The following NOC4L variants were observed in gnomAD, a reference collection of about 807,000 sequenced individuals.
NOC4L encodes nucleolar complex protein 4 homolog.
Under a neutral mutation model 62.8 loss-of-function variants are expected in NOC4L, and 40 were observed. That is an observed-to-expected ratio of 0.64 (90% confidence interval 0.49 to 0.83). NOC4L has a LOEUF of 0.83. NOC4L is among the 40% of genes least tolerant of loss of function. The pLI is 0.00. For synonymous variants in NOC4L, 433 were observed against 299.8 expected (o/e 1.44, Z -4.59); for missense variants, 927 against 701.9 (o/e 1.32, Z -3.62).
rs1872973041 is a variant in NOC4L, at chr12:132,151,772, G to T, written c.1269G>T (p.Glu423Asp). The change falls in exon 13 of 15, where the codon GAG (glutamate) becomes GAT (aspartate). Residue 423 changes from glutamate (E) to aspartate (D), a missense_variant. Coordinates refer to ENST00000330579, the MANE Select transcript of NOC4L (RefSeq NM_024078.3). ...CCGACCCCTACGACCCTGGAGAGGAGGACCCAGCCCAGAGCCGGGCCTTGG... is the reference window on the plus strand; with the variant it reads ...CCGACCCCTACGACCCTGGAGAGGATGACCCAGCCCAGAGCCGGGCCTTGG... ...LDADPYDPGEEDPAQSRALES... is the reference protein window; with the variant it reads ...LDADPYDPGEDDPAQSRALES... 2.5e-6 allele frequency: 4 copies of T among 1,612,396 alleles called. No homozygotes were observed. Among genetic ancestry groups the T allele is most frequent in the Non-Finnish European group, 3.4e-6 (4 of 1,179,832 alleles).
chr12:132,146,497 A>G (rs1897733237), intron 3 of NOC4L: 2 of 390,336 alleles, frequency 5.1e-6, no homozygotes, highest in Non-Finnish European at 1.0e-5. Context: ...TTACAAGGCC[A>G]CACAGCAGCT....
Position 132,144,570 on chromosome 12 carries a change from G to C in NOC4L, c.82G>C (p.Ala28Pro). 3 of 1,524,442 alleles carry C rather than the reference G, an allele frequency of 2.0e-6. No individual in the cohort carries two copies. The highest frequency in any genetic ancestry group is 1.7e-6 in the Non-Finnish European group (2 of 1,142,994). 94.4% of individuals were successfully genotyped at this position (1,524,442 alleles called of 1,614,324 possible). Residue 28 changes from alanine to proline, a missense_variant, in exon 1 of 15, where the codon GCC becomes CCC. Ala to Pro is a conservative substitution (Grantham distance 27). Transcript: ENST00000330579. ...LEAVLASRSE[A>P]NAVFDILAVL... ...GGCGGTGCTGGCGAGCCGCAGTGAGGCCAACGCCGTGTTCGACATCCTGGC... is the reference window on the plus strand; with the variant it reads ...GGCGGTGCTGGCGAGCCGCAGTGAGCCCAACGCCGTGTTCGACATCCTGGC...
intron 9 of NOC4L, 83 bp from the exon 10 acceptor site, chr12:132,150,898 C>G (rs1897909392): frequency 1.2e-5 from 12 of 1,036,182 alleles, no homozygotes; most frequent in Non-Finnish European, 1.6e-5. Context: ...AGGCCACACT[C>G]CACAGACTTA....
At chr12:132,148,735 C>CCCCCCGGGGGGGGGGGGGGG in intron 8 of NOC4L, 49 bp from the exon 9 acceptor site, 1 of 1,309,292 alleles carries the variant, frequency 7.6e-7, no homozygotes, top group Non-Finnish European at 1.0e-6. Flanking sequence ...CCCGACCCGC[C>CCCCCCGGGGGGGGGGGGGGG]GGCCCCCGCC....
chr12:132,147,641 G>A lies in NOC4L; in HGVS notation c.462G>A (p.Val154=), dbSNP rs1166548126. The change falls in exon 5 of 15, where the codon GTG becomes GTA. Residue 154 remains valine, a synonymous_variant. Transcript: ENST00000330579. ...CTGGTCCTTGCCCCTAGTTGGTGGT[G>A]GGAGGCCTGCTGTCTCCTGAGGAGG... ...LFPRELFKLV[V]GGLLSPEEDQ... 2 of 1,612,646 alleles carry A rather than the reference G, an allele frequency of 1.2e-6. No individual in the cohort carries two copies. The highest frequency in any genetic ancestry group is 1.7e-6 in the Non-Finnish European group (2 of 1,179,874).
chr12:132,151,567 T>C lies in NOC4L; in HGVS notation c.1157T>C (p.Met386Thr). 1.2e-6 allele frequency: 2 copies of C among 1,610,820 alleles called. No individual in the cohort carries two copies. Among genetic ancestry groups the C allele is most frequent in the Non-Finnish European group, 1.7e-6 (2 of 1,179,356 alleles). The change falls in exon 12 of 15, where the codon ATG (methionine) becomes ACG (threonine). Residue 386 changes from methionine (M) to threonine (T), a missense_variant. Physicochemically the swap from Met to Thr is moderately conservative, Grantham distance 81 (BLOSUM62 -1). Coordinates refer to ENST00000330579, the MANE Select transcript of NOC4L (RefSeq NM_024078.3). ...ACGGCTCCCCCTGAGGCCCTGCTCA[T>C]GGTCCTGCCTTTCATCTGTAACCTG... Reference protein sequence around the residue: ...ALTAPPEALLMVLPFICNLLR... With the variant: ...ALTAPPEALLTVLPFICNLLR...
chr12:132,147,499 CACTCCTGTG>C, intron 4 of NOC4L, 111 bp downstream of exon 4: 1 of 1,450,360 alleles, frequency 6.9e-7, no homozygotes, highest in South Asian at 1.3e-5. Flanking sequence ...TTGGCTGGGA[CACTCCTGTG>C]GCTCCTGTGG....
At chr12:132,148,958 C>CACCACACCCCTAA in intron 9 of NOC4L, 63 bp downstream of exon 9, 1 of 317,122 alleles carries the variant, frequency 3.2e-6, no homozygotes, top group Non-Finnish European at 5.8e-6. Flanking sequence ...CGCCGCCTCA[C>CACCACACCCCTAA]TCCTACCACA....
intron 9 of NOC4L, among the ~76,000 whole-genome samples, chr12:132,149,168 C>G (rs865804396): frequency 4.3e-4 from 21 of 48,994 alleles, no homozygotes; most frequent in Non-Finnish European, 4.3e-4. Flanking sequence ...CGGTGAGTGC[C>G]GCCGCCTCGC....
chr12:132,148,227 C>A lies in NOC4L; in HGVS notation c.738+121C>A. On this transcript the variant is annotated intron_variant, in intron 7 of 14. Transcript: ENST00000330579. Reference sequence around the variant, plus strand: ...GAGGAAACTCCCAGGGTACAGGTGGCAGCTTGCACGGCCACCAGGTCACTC... The same window carrying A: ...GAGGAAACTCCCAGGGTACAGGTGGAAGCTTGCACGGCCACCAGGTCACTC... 1.1e-5 allele frequency: 11 copies of A among 1,017,384 alleles called. No homozygotes were observed. In the South Asian group the frequency reaches 1.6e-4, roughly 15 times the overall value. 63.0% of individuals were successfully genotyped at this position (1,017,384 alleles called of 1,614,324 possible).
At position 132,144,487 on chromosome 12, in the gene NOC4L, G is replaced by A. The variant is rs1158920926; in HGVS notation, c.-2G>A. 2.6e-6 allele frequency: 4 copies of A among 1,523,916 alleles called. No homozygotes were observed. The highest frequency in any genetic ancestry group is 2.0e-5 in the Admixed American group (1 of 48,786). The allele number at this position is 1,523,916 out of a possible 1,614,324, so 94.4% of individuals were successfully genotyped here. On this transcript the variant is annotated 5_prime_UTR_variant, in exon 1 of 15. Coordinates refer to ENST00000330579, the MANE Select transcript of NOC4L (RefSeq NM_024078.3). ...TCCGCGTTGTTCCGTGTTGGGGGCG[G>A]CATGGAGCGGGAGCCGGGCGCCGCG...
rs1471821428 is a variant in NOC4L at position 132,145,626 on chromosome 12, C to T, written c.306C>T (p.Arg102=). 1.2e-6 allele frequency: 2 copies of T among 1,613,602 alleles called. No individual in the cohort carries two copies. Among genetic ancestry groups the T allele is most frequent in the Non-Finnish European group, 8.5e-7 (1 of 1,179,896 alleles). ...MRHRYHSCCN[R]LGELLGHPSF... ...ACCGCTATCACAGCTGCTGCAATCGCTTGGGAGAGCTCCTGGGCCACCCCT... is the reference window on the plus strand; with the variant it reads ...ACCGCTATCACAGCTGCTGCAATCGTTTGGGAGAGCTCCTGGGCCACCCCT... The change falls in exon 3 of 15, where the codon CGC becomes CGT. Residue 102 remains arginine (R), a synonymous_variant. Transcript: ENST00000330579.
chr12:132,148,567 G>A, intron 7 of NOC4L, 42 bp from the exon 8 acceptor site: 2 of 1,547,910 alleles, frequency 1.3e-6, no homozygotes, highest in Non-Finnish European at 1.7e-6. Flanking sequence ...GCTCTGGTCT[G>A]GGGTGGGGAG....
chr12:132,151,803 T>C lies in NOC4L; in HGVS notation c.1300T>C (p.Ser434Pro). ...AGCCCAGAGCCGGGCCTTGGAGAGC[T>C]CCCTGTGGGAGCTTCAGGTGAGGGC... Reference protein sequence around the residue: ...DPAQSRALESSLWELQALQRH... With the variant: ...DPAQSRALESPLWELQALQRH... The change falls in exon 13 of 15, where the codon TCC becomes CCC. Residue 434 changes from serine (S) to proline (P), a missense_variant. Transcript: ENST00000330579. The C allele has an allele frequency of 1.2e-6, 2 of 1,611,688 alleles. No individual in the cohort carries two copies. The highest frequency in any genetic ancestry group is 1.7e-6 in the Non-Finnish European group (2 of 1,179,610).
Position 132,151,783 on chromosome 12 carries a change from A to G in NOC4L, c.1280A>G (p.Gln427Arg). Residue 427 changes from glutamine (Q) to arginine (R), a missense_variant, in exon 13 of 15, where the codon CAG (glutamine) becomes CGG (arginine). Coordinates refer to ENST00000330579, the MANE Select transcript of NOC4L (RefSeq NM_024078.3). Reference sequence around the variant, plus strand: ...GACCCTGGAGAGGAGGACCCAGCCCAGAGCCGGGCCTTGGAGAGCTCCCTG... The same window carrying G: ...GACCCTGGAGAGGAGGACCCAGCCCGGAGCCGGGCCTTGGAGAGCTCCCTG... Reference protein sequence around the residue: ...PYDPGEEDPAQSRALESSLWE... With the variant: ...PYDPGEEDPARSRALESSLWE... 6.2e-7 allele frequency: 1 copy of G among 1,612,320 alleles called. No individual in the cohort carries two copies. The highest frequency in any genetic ancestry group is 8.5e-7 in the Non-Finnish European group (1 of 1,179,794).
At chr12:132,146,035 G>C (rs1897706671) in intron 3 of NOC4L, among the ~76,000 whole-genome samples, 1 of 152,198 alleles carries the variant, frequency 6.6e-6, no homozygotes, top group Non-Finnish European at 1.5e-5. Flanking sequence ...CTGAGGCACA[G>C]TTTACCGTTT....
At chr12:132,144,700 G>A (rs1897640124) in intron 1 of NOC4L, 95 bp downstream of exon 1, 2 of 1,446,402 alleles carry the variant, frequency 1.4e-6, no homozygotes, top group Admixed American at 5.0e-5. Flanking sequence ...GTTCCGAGAC[G>A]GCGTTGGGGG....
In NOC4L at chr12:132,144,576, G is replaced by C; in HGVS notation, c.88G>C (p.Ala30Pro). 1.3e-6 allele frequency: 2 copies of C among 1,523,924 alleles called. No individual in the cohort carries two copies. Among genetic ancestry groups the C allele is most frequent in the Non-Finnish European group, 1.8e-6 (2 of 1,142,682 alleles). 94.4% of individuals were successfully genotyped at this position (1,523,924 alleles called of 1,614,324 possible). A position where few individuals can be genotyped will look rare whatever the true frequency, so the allele number is the denominator to read the frequency against. ...GCTGGCGAGCCGCAGTGAGGCCAAC[G>C]CCGTGTTCGACATCCTGGCCGTGCT... is the stretch of plus-strand genomic sequence containing the variant. ...AVLASRSEAN[A>P]VFDILAVLQS... is the part of the protein sequence containing the mutation. Residue 30 changes from alanine (A) to proline (P), a missense_variant, in exon 1 of 15, where the codon GCC (alanine) becomes CCC (proline). Coordinates refer to ENST00000330579, the MANE Select transcript of NOC4L (RefSeq NM_024078.3).
At chr12:132,145,036 C>G in intron 2 of NOC4L, 62 bp downstream of exon 2, 2 of 1,523,314 alleles carry the variant, frequency 1.3e-6, no homozygotes, top group Admixed American at 4.0e-5. Context: ...GAGGCTTTGT[C>G]ACCATGGGAT....
Sources: gnomAD v4.1 joint callset for allele counts (sites outside exome capture counted in the v4.1 genomes callset) on GRCh38, gnomAD v4.1.1 for gene constraint, MANE v1.5 for transcripts, NCBI Gene and HGNC (gene_info 2026-07-23, HGNC 2026-07-21) for gene names.